SLC26A4: variants seen among roughly 807,000 people sequenced by gnomAD.
SLC26A4 encodes solute carrier family 26 member 4, also known as pendrin.
In SLC26A4, 93 loss-of-function variants were observed where a neutral mutation model predicts 90.4. The observed-to-expected ratio is 1.03, with a 90% CI of 0.87 to 1.22. The LOEUF is 1.22. SLC26A4 is among the 50% of genes most tolerant of loss of function. The pLI is 0.00. For missense variants in SLC26A4, 1,127 were observed against 946.2 expected (o/e 1.19, Z -2.51); for synonymous variants, 393 against 354.6 (o/e 1.11, Z -1.22).
At chr7:107,665,604 T>C (rs1420358720) in intron 3 of SLC26A4, among the ~76,000 whole-genome samples, 1 of 152,230 alleles carries the variant, frequency 6.6e-6, no homozygotes, top group Non-Finnish European at 1.5e-5. Context: ...ATGAATCTTC[T>C]TTATATATAA....
chr7:107,673,864 G>A (rs1790940133), intron 4 of SLC26A4, among the ~76,000 whole-genome samples: 1 of 151,986 alleles, frequency 6.6e-6, no homozygotes, highest in East Asian at 1.9e-4. Context: ...GAGTAGCTGG[G>A]ACCATAGGCA....
chr7:107,674,603 G>C (rs1433249150), intron 5 of SLC26A4, among the ~76,000 whole-genome samples: 1 of 152,214 alleles, frequency 6.6e-6, no homozygotes, highest in African/African-American at 2.4e-5. Context: ...TTGAGGATGA[G>C]AGAAGGGAAA....
chr7:107,669,424 T>C (rs1160620858), intron 3 of SLC26A4, among the ~76,000 whole-genome samples: 1 of 152,182 alleles, frequency 6.6e-6, no homozygotes, highest in African/African-American at 2.4e-5. Context: ...AGAGCCCAGT[T>C]TGGGGAAATG....
At chr7:107,707,987 A>T (rs1011589872) in intron 18 of SLC26A4, among the ~76,000 whole-genome samples, 1 of 152,238 alleles carries the variant, frequency 6.6e-6, no homozygotes, top group Non-Finnish European at 1.5e-5. Flanking sequence ...GGCAAAAAGC[A>T]CAAGAAGAGT....
rs483353048 is a variant in SLC26A4 at position 107,675,112 on chromosome 7, A to C, written c.765+3A>C. On this transcript the variant is annotated splice_donor_region_variant and intron_variant, in intron 6 of 20. Coordinates refer to ENST00000644269, the MANE Select transcript of SLC26A4 (RefSeq NM_000441.2). The stretch of plus-strand genomic sequence containing the variant: ...ATGGAGTTCTCTCTATTATCTATGT[A>C]AGTGTTGCTTCTTGCTCCAGGGATG... The C allele has an allele frequency of 1.9e-6, 3 of 1,613,318 alleles. No individual in the cohort carries two copies. The highest frequency in any genetic ancestry group is 2.5e-6 in the Non-Finnish European group (3 of 1,179,486).
chr7:107,695,888 C>T (rs1354259875), intron 12 of SLC26A4, 45 bp from the exon 13 acceptor site: 1 of 937,194 alleles, frequency 1.1e-6, no homozygotes, highest in African/African-American at 1.6e-5. Context: ...ATGATGGTAC[C>T]TGATACATTA....
intron 3 of SLC26A4, among the ~76,000 whole-genome samples, chr7:107,671,069 A>G (rs566179223): frequency 1.3e-5 from 2 of 152,306 alleles, no homozygotes; most frequent in African/African-American, 4.8e-5. Context: ...TGTAACAATG[A>G]CTGTGTCCCT....
At chr7:107,713,132 T>C (rs1469742079) in intron 20 of SLC26A4, among the ~76,000 whole-genome samples, 2 of 152,214 alleles carry the variant, frequency 1.3e-5, no homozygotes, top group Non-Finnish European at 2.9e-5. Context: ...TCTGAACTTG[T>C]AGCATCTGAG....
At chr7:107,703,908 A>C (rs1791967691) in intron 17 of SLC26A4, among the ~76,000 whole-genome samples, 2 of 152,228 alleles carry the variant, frequency 1.3e-5, no homozygotes, top group Non-Finnish European at 1.5e-5. Flanking sequence ...AACATCTTGT[A>C]AAACTGTAGC....
chr7:107,715,427 T>C lies in SLC26A4; in HGVS notation c.2324T>C (p.Met775Thr), dbSNP rs1562845849. 1 of 1,613,492 alleles carries C rather than the reference T, an allele frequency of 6.2e-7. No individual in the cohort carries two copies. Among genetic ancestry groups the C allele is most frequent in the Non-Finnish European group, 8.5e-7 (1 of 1,179,432 alleles). ...GTTTTCCCCTTGCTTCCACAGGCTA[T>C]GCGTACACTTGCATCCTGAAAGTGG... is the stretch of plus-strand genomic sequence containing the variant. Reference protein sequence around the residue: ...EEELDVQDEAMRTLAS With the variant: ...EEELDVQDEATRTLAS Residue 775 changes from methionine (M) to threonine (T), a missense_variant, in exon 21 of 21, where the codon ATG (methionine) becomes ACG (threonine). By Grantham distance (81) the Met-to-Thr change is moderately conservative. Transcript: ENST00000644269.
Position 107,716,833 on chromosome 7 carries a change from A to G in SLC26A4, c.*1387A>G, listed in dbSNP as rs1195459963. 1 of 152,162 alleles carries G rather than the reference A, an allele frequency of 6.6e-6. No individual in the cohort carries two copies. Among genetic ancestry groups the G allele is most frequent in the Non-Finnish European group, 1.5e-5 (1 of 68,030 alleles). The allele number at this position is 152,162 out of a possible 1,614,324, so 9.4% of individuals were successfully genotyped here. On this transcript the variant is annotated 3_prime_UTR_variant, in exon 21 of 21. Transcript: ENST00000644269. ...CCTGCATTTACCAAAATTTGTGCACACTCAAGTCCTGCAGTCACCCCTGCC... is the reference window on the plus strand; with the variant it reads ...CCTGCATTTACCAAAATTTGTGCACGCTCAAGTCCTGCAGTCACCCCTGCC...
chr7:107,679,904 A>ATATAATC (rs1160114481), intron 6 of SLC26A4, among the ~76,000 whole-genome samples: 4 of 128,440 alleles, frequency 3.1e-5, no homozygotes, highest in Non-Finnish European at 6.8e-5. Flanking sequence ...ATAATCTTAT[A>ATATAATC]TTATATGCTC....
chr7:107,695,635 T>C (rs1791715324), intron 12 of SLC26A4, among the ~76,000 whole-genome samples: 1 of 152,110 alleles, frequency 6.6e-6, no homozygotes, highest in African/African-American at 2.4e-5. Flanking sequence ...AGACCTTGTC[T>C]CTACTACAAA....
intron 10 of SLC26A4, among the ~76,000 whole-genome samples, chr7:107,692,501 C>T (rs988511785): frequency 6.6e-6 from 1 of 152,182 alleles, no homozygotes; most frequent in Non-Finnish European, 1.5e-5. Flanking sequence ...TTGTTTCACT[C>T]CTTTAGGCAA....
At chr7:107,694,566 A>G (rs548840891) in intron 11 of SLC26A4, 55 bp from the exon 12 acceptor site, 50 of 1,538,076 alleles carry the variant, frequency 3.3e-5, no homozygotes, top group Non-Finnish European at 4.3e-5. Flanking sequence ...TTTAACAATC[A>G]TCACATGGAA....
At chr7:107,669,851 A>G (rs1395702476) in intron 3 of SLC26A4, among the ~76,000 whole-genome samples, 2 of 152,224 alleles carry the variant, frequency 1.3e-5, no homozygotes, top group Non-Finnish European at 2.9e-5. Context: ...TACTAGGCAC[A>G]TAAATACTTA....
intron 8 of SLC26A4, among the ~76,000 whole-genome samples, chr7:107,684,971 C>T (rs1791355885): frequency 6.6e-6 from 1 of 152,126 alleles, no homozygotes; most frequent in South Asian, 2.1e-4. Context: ...CTAAATTATC[C>T]CTCCAGGTCC....
rs753325692 is a variant in SLC26A4, at chr7:107,690,214, G to C, written c.1240G>C (p.Glu414Gln). The C allele has an allele frequency of 1.9e-6, 3 of 1,605,556 alleles. No homozygotes were observed. In the Admixed American group the frequency reaches 5.0e-5, roughly 27 times the overall value. The change falls in exon 10 of 21, where the codon GAG becomes CAG. Residue 414 changes from glutamate to glutamine, a missense_variant. Transcript: ENST00000644269. Reference protein sequence around the residue: ...TTALSRTAVQESTGGKTQVAG... With the variant: ...TTALSRTAVQQSTGGKTQVAG... ...TGCTCTTTCCCGCACGGCCGTCCAG[G>C]AGAGCACTGGAGGAAAGACACAGGT...
At chr7:107,681,329 C>G in intron 6 of SLC26A4, among the ~76,000 whole-genome samples, 1 of 152,050 alleles carries the variant, frequency 6.6e-6, no homozygotes, top group East Asian at 1.9e-4. Flanking sequence ...CCTTACTCTT[C>G]TTGAATGTGT....
Sources: allele counts gnomAD v4.1 joint callset (sites outside exome capture counted in the v4.1 genomes callset), GRCh38; gene constraint gnomAD v4.1.1; transcripts MANE v1.5; gene names NCBI Gene and HGNC (gene_info 2026-07-23, HGNC 2026-07-21).